MTMR9: variants seen among roughly 807,000 people sequenced by gnomAD.
MTMR9 encodes the protein myotubularin-related protein 9.
Under a neutral mutation model 69.5 loss-of-function variants are expected in MTMR9, and 39 were observed. The observed-to-expected ratio is 0.56, with a 90% CI of 0.43 to 0.73. The LOEUF (loss-of-function observed/expected upper bound fraction) is 0.73. MTMR9 is among the 30% of genes least tolerant of loss of function. The pLI is 0.00. For synonymous variants in MTMR9, 354 were observed against 240.8 expected (o/e 1.47, Z -4.35); for missense variants, 900 against 671.2 (o/e 1.34, Z -3.77).
chr8:11,286,666 CAAAAAAAA>C (rs869105936), intron 1 of MTMR9, among the ~76,000 whole-genome samples: 10 of 71,662 alleles, frequency 1.4e-4, no homozygotes, highest in South Asian at 4.8e-4. Flanking sequence ...AACTCCATCT[CAAAAAAAA>C]AAAAAAAAAA....
At chr8:11,307,041 A>G (rs892513268) in intron 5 of MTMR9, among the ~76,000 whole-genome samples, 1 of 152,184 alleles carries the variant, frequency 6.6e-6, no homozygotes, top group Non-Finnish European at 1.5e-5. Context: ...CATCTGTGCT[A>G]TTGCAAATGA....
chr8:11,302,826 A>G (rs1799797044), intron 3 of MTMR9, among the ~76,000 whole-genome samples: 3 of 152,160 alleles, frequency 2.0e-5, no homozygotes, highest in African/African-American at 7.2e-5. Context: ...GATCATAGGC[A>G]TTTCTGTACA....
chr8:11,309,510 T>G lies in MTMR9; in HGVS notation c.810-17T>G, dbSNP rs761368347. On this transcript the variant is annotated splice_polypyrimidine_tract_variant and intron_variant, in intron 5 of 9. Transcript: ENST00000221086. The stretch of plus-strand genomic sequence containing the variant: ...ATTTTCTGGGTTTGTTATTTTTTAC[T>G]TTCTTACTTTTAAAAGGTATCACAT... 1 of 1,578,960 alleles carries G rather than the reference T, an allele frequency of 6.3e-7. No homozygotes were observed. Among genetic ancestry groups the G allele is most frequent in the Non-Finnish European group, 8.6e-7 (1 of 1,162,532 alleles).
intron 9 of MTMR9, 177 bp downstream of exon 9, chr8:11,320,015 AC>A: frequency 2.0e-6 from 1 of 502,208 alleles, no homozygotes; most frequent in Non-Finnish European, 3.3e-6. Flanking sequence ...ATCTAGCCAC[AC>A]TTTTTTTTTT....
chr8:11,293,072 C>T (rs1212291673), intron 1 of MTMR9, among the ~76,000 whole-genome samples: 1 of 152,138 alleles, frequency 6.6e-6, no homozygotes, highest in Non-Finnish European at 1.5e-5. Flanking sequence ...AAGGCATTAT[C>T]ATCACAGGAA....
At chr8:11,337,160 T>C in the MTMR9 span, among the ~76,000 whole-genome samples, 2 of 152,198 alleles carry the variant, frequency 1.3e-5, no homozygotes, top group African/African-American at 4.8e-5. Flanking sequence ...GCAATGCAGC[T>C]TGCACTGCAT....
In MTMR9 at chr8:11,327,276, C is replaced by T. The variant is rs887973612; in HGVS notation, c.*4488C>T. The T allele has an allele frequency of 6.6e-6, 1 of 152,134 alleles. No individual in the cohort carries two copies. Among genetic ancestry groups the T allele is most frequent in the African/African-American group, 2.4e-5 (1 of 41,422 alleles). 9.4% of individuals were successfully genotyped at this position (152,134 alleles called of 1,614,324 possible). A position where few individuals can be genotyped will look rare whatever the true frequency, so the allele number is the denominator to read the frequency against. On this transcript the variant is annotated 3_prime_UTR_variant, in exon 10 of 10. Coordinates refer to ENST00000221086, the MANE Select transcript of MTMR9 (RefSeq NM_015458.4). ...CTACACTGTGGAACAGTAATTTGTG[C>T]CCAATTTAGTGGAAGATAATGAGGC... is the stretch of plus-strand genomic sequence containing the variant.
chr8:11,290,082 C>T (rs1799326587), intron 1 of MTMR9, among the ~76,000 whole-genome samples: 1 of 152,192 alleles, frequency 6.6e-6, no homozygotes, highest in South Asian at 2.1e-4. Flanking sequence ...CATGATGGTG[C>T]AGGAGAGGGT....
intron 1 of MTMR9, among the ~76,000 whole-genome samples, chr8:11,287,556 C>T (rs1335315956): frequency 6.6e-6 from 1 of 151,296 alleles, no homozygotes; most frequent in African/African-American, 2.4e-5. Flanking sequence ...CACCTGTTTT[C>T]CACGTGCATT....
chr8:11,304,991 T>C lies in MTMR9; in HGVS notation c.568T>C (p.Tyr190His), dbSNP rs1261173035. Residue 190 changes from tyrosine (Y) to histidine (H), a missense_variant, in exon 4 of 10, where the codon TAT becomes CAT. By Grantham distance (83) the Tyr-to-His change is moderately conservative (BLOSUM62 2). Transcript: ENST00000221086. ...RHGGRFPVLS[Y>H]YHKKNGMVIM... Reference sequence around the variant, plus strand: ...TGGAGGGCGCTTCCCAGTACTAAGCTATTACCACAAAAAAAATGGGATGGT... The same window carrying C: ...TGGAGGGCGCTTCCCAGTACTAAGCCATTACCACAAAAAAAATGGGATGGT... The C allele has an allele frequency of 6.2e-7, 1 of 1,613,822 alleles. No homozygotes were observed. Among genetic ancestry groups the C allele is most frequent in the Non-Finnish European group, 8.5e-7 (1 of 1,179,868 alleles).
chr8:11,304,924 C>G lies in MTMR9; in HGVS notation c.501C>G (p.Ser167=), dbSNP rs756330701. 6.8e-6 allele frequency: 11 copies of G among 1,614,100 alleles called. No homozygotes were observed. The highest frequency in any genetic ancestry group is 1.7e-4 in the Middle Eastern group (1 of 6,060). The change falls in exon 4 of 10, where the codon TCC becomes TCG. Residue 167 remains serine (S), a synonymous_variant. Coordinates refer to ENST00000221086, the MANE Select transcript of MTMR9 (RefSeq NM_015458.4). The part of the protein sequence containing the change: ...SYPPIVTVPK[S]IDDEALRKVA... The stretch of plus-strand genomic sequence containing the variant: ...CACCAATTGTCACAGTGCCCAAATC[C>G]ATCGATGATGAAGCTCTTCGGAAGG...
chr8:11,332,309 A>G, downstream of MTMR9: 1 of 1,067,286 alleles, frequency 9.4e-7, no homozygotes. Context: ...CAAAGCATGC[A>G]AACAAATGAG....
chr8:11,287,683 TTTA>T (rs1297341589), intron 1 of MTMR9, among the ~76,000 whole-genome samples: 3 of 137,064 alleles, frequency 2.2e-5, no homozygotes, highest in East Asian at 2.0e-4. Context: ...TATATTTATA[TTTA>T]TTATGTTTAT....
Position 11,322,792 on chromosome 8 carries a change from G to C in MTMR9, c.*4G>C, listed in dbSNP as rs372857311. On this transcript the variant is annotated 3_prime_UTR_variant, in exon 10 of 10. Transcript: ENST00000221086. ...CGGGATGCAGGAGAGTCCCTGAAAGGTCTCCTCGCACCCTTCGCAAGGACC... is the reference window on the plus strand; with the variant it reads ...CGGGATGCAGGAGAGTCCCTGAAAGCTCTCCTCGCACCCTTCGCAAGGACC... 1 of 1,613,180 alleles carries C rather than the reference G, an allele frequency of 6.2e-7. No homozygotes were observed. The highest frequency in any genetic ancestry group is 8.5e-7 in the Non-Finnish European group (1 of 1,179,596).
rs1336887257 is a variant in MTMR9, at chr8:11,325,357, G to C, written c.*2569G>C. The C allele has an allele frequency of 6.6e-6, 1 of 152,224 alleles. No individual in the cohort carries two copies. The highest frequency in any genetic ancestry group is 1.5e-5 in the Non-Finnish European group (1 of 68,048). The allele number at this position is 152,224 out of a possible 1,614,324, so 9.4% of individuals were successfully genotyped here. On this transcript the variant is annotated 3_prime_UTR_variant, in exon 10 of 10. Transcript: ENST00000221086. ...AATGACACGGATACACTCCTGAGAA[G>C]ACACTCGTTAAACATTGCATCGGAG...
chr8:11,288,668 A>G (rs979187664), intron 1 of MTMR9, among the ~76,000 whole-genome samples: 1 of 152,152 alleles, frequency 6.6e-6, no homozygotes, highest in Non-Finnish European at 1.5e-5. Flanking sequence ...GATGGTAGAG[A>G]CTGGCTGGAG....
chr8:11,285,953 T>C (rs553144109), intron 1 of MTMR9, among the ~76,000 whole-genome samples: 9 of 139,514 alleles, frequency 6.5e-5, no homozygotes, highest in South Asian at 2.4e-4. Flanking sequence ...TCTTTCTTTT[T>C]TTTTTTTTTT....
intron 3 of MTMR9, among the ~76,000 whole-genome samples, chr8:11,302,016 G>C (rs552449195): frequency 1.3e-5 from 2 of 152,196 alleles, no homozygotes; most frequent in South Asian, 4.1e-4. Context: ...TAGCACTTAA[G>C]GAGGCTGAGG....
downstream of MTMR9, among the ~76,000 whole-genome samples, chr8:11,332,381 G>C (rs957899731): frequency 1.3e-5 from 2 of 151,830 alleles, no homozygotes; most frequent in Non-Finnish European, 2.9e-5. Context: ...CCCAGACTTT[G>C]GACTTACTAG....
Sources: allele counts gnomAD v4.1 joint callset (sites outside exome capture counted in the v4.1 genomes callset), GRCh38; gene constraint gnomAD v4.1.1; transcripts MANE v1.5; gene names NCBI Gene and HGNC (gene_info 2026-07-23, HGNC 2026-07-21).